The following MED13 variants were observed in gnomAD, a reference collection of about 807,000 sequenced individuals.
MED13 encodes the protein mediator of RNA polymerase II transcription subunit 13.
A neutral mutation model predicts 225.2 loss-of-function variants in MED13; 23 were observed. That is an observed-to-expected ratio of 0.10 (90% CI 0.07 to 0.14). The LOEUF (loss-of-function observed/expected upper bound fraction) is 0.14, where lower values mean the gene tolerates loss of function less well. MED13 is among the 10% of genes least tolerant of loss of function. The probability of loss-of-function intolerance (pLI) is 1.00; values close to 1 mark genes in which losing one functional copy is unlikely to be tolerated. For synonymous variants in MED13, 942 were observed against 889.2 expected, an observed-to-expected ratio of 1.06 and a Z score of -1.06; for missense variants, 2,197 against 2,594.5, an observed-to-expected ratio of 0.85 and a Z score of 3.33.
chr17:61,998,211 C>T (rs2080362335), intron 9 of MED13, among the ~76,000 whole-genome samples: 1 of 152,070 alleles, frequency 6.6e-6, no homozygotes, highest in Non-Finnish European at 1.5e-5. Flanking sequence ...ACGAATAACC[C>T]TCTCCTTTCC....
rs533183694 is a variant in MED13 at position 62,052,842 on chromosome 17, G to C, written c.302-137C>G. The C allele has an allele frequency of 2.8e-5, 14 of 506,346 alleles. No homozygotes were observed. In the Admixed American group the frequency reaches 5.6e-4, roughly 20 times the overall value. 31.4% of individuals were successfully genotyped at this position (506,346 alleles called of 1,614,324 possible). A position where few individuals can be genotyped will look rare whatever the true frequency, so the allele number is the denominator to read the frequency against. ...AATATTAAGCTACAATCACTTCAATGTATCTCTAGACATTATCAGGTTTCA... is the reference window on the plus strand; with the variant it reads ...AATATTAAGCTACAATCACTTCAATCTATCTCTAGACATTATCAGGTTTCA... On this transcript the variant is annotated intron_variant, in intron 2 of 29. Coordinates refer to ENST00000397786, the MANE Select transcript of MED13 (RefSeq NM_005121.3).
intron 11 of MED13, 63 bp downstream of exon 11, chr17:61,992,477 T>C (rs2080307821): frequency 1.0e-6 from 1 of 970,324 alleles, no homozygotes; most frequent in Non-Finnish European, 1.6e-6. Context: ...TCCAACAATA[T>C]CAGATCAGTC....
intron 17 of MED13, among the ~76,000 whole-genome samples, chr17:61,969,825 C>T (rs1014190881): frequency 8.5e-5 from 13 of 152,116 alleles, no homozygotes; most frequent in Non-Finnish European, 1.8e-4. Context: ...TGGTTTCAAA[C>T]TCCTGACCTC....
intron 11 of MED13, among the ~76,000 whole-genome samples, chr17:61,990,895 T>G (rs2080292760): frequency 6.6e-6 from 1 of 152,064 alleles, no homozygotes; most frequent in African/African-American, 2.4e-5. Context: ...GTTGAATTAG[T>G]GGCCTCAGAA....
At chr17:61,992,654 A>C in intron 10 of MED13, 33 bp from the exon 11 acceptor site, 2 of 1,454,728 alleles carry the variant, frequency 1.4e-6, no homozygotes, top group Non-Finnish European at 1.9e-6. Flanking sequence ...AGGCTGAAAT[A>C]TATAATTTAC....
chr17:62,003,894 T>C (rs2080421381), intron 9 of MED13: 1 of 152,176 alleles, frequency 6.6e-6, no homozygotes, highest in South Asian at 2.1e-4. Flanking sequence ...AAATGTCAAA[T>C]AATTTTAGAA....
At chr17:62,041,125 A>G (rs1261722397) in intron 3 of MED13, among the ~76,000 whole-genome samples, 2 of 152,246 alleles carry the variant, frequency 1.3e-5, no homozygotes, top group East Asian at 3.8e-4. Flanking sequence ...AAAGGTGAAA[A>G]CAACCCAAAT....
intron 16 of MED13, among the ~76,000 whole-genome samples, chr17:61,976,945 C>CA (rs200021995): frequency 3.8e-4 from 57 of 151,390 alleles, no homozygotes; most frequent in African/African-American, 4.6e-4. Context: ...AACAAAGAAA[C>CA]AAAAAAAACA....
chr17:61,961,829 A>C (rs1051749725), intron 21 of MED13, 50 bp from the exon 22 acceptor site: 1 of 1,532,850 alleles, frequency 6.5e-7, no homozygotes, highest in African/African-American at 1.4e-5. Context: ...AAAAGAGAAT[A>C]ACAGGAACTG....
intron 16 of MED13, among the ~76,000 whole-genome samples, chr17:61,977,282 G>A (rs552050142): frequency 7.2e-5 from 11 of 152,258 alleles, no homozygotes; most frequent in Admixed American, 5.2e-4. Flanking sequence ...ATGAGAAGAT[G>A]ATATCTGACA....
chr17:62,028,679 T>TA (rs778025381), intron 8 of MED13, among the ~76,000 whole-genome samples: 4,243 of 141,644 alleles, frequency 0.03, 75 homozygotes, highest in Non-Finnish European at 0.039. Context: ...GTCTCTACTT[T>TA]AAAAAAAAAA....
At chr17:61,990,648 T>TATAC (rs961724030) in intron 11 of MED13, among the ~76,000 whole-genome samples, 1 of 147,766 alleles carries the variant, frequency 6.8e-6, no homozygotes, top group Non-Finnish European at 1.5e-5. Context: ...TATATATATA[T>TATAC]ATACACACTC....
chr17:62,000,865 C>T (rs1186498001), intron 9 of MED13, among the ~76,000 whole-genome samples: 1 of 152,204 alleles, frequency 6.6e-6, no homozygotes, highest in East Asian at 1.9e-4. Flanking sequence ...CAGGTTTAAG[C>T]GATTCTCCTA....
At chr17:61,959,260 C>G (rs901991974) in intron 23 of MED13, among the ~76,000 whole-genome samples, 1 of 152,140 alleles carries the variant, frequency 6.6e-6, no homozygotes, top group Non-Finnish European at 1.5e-5. Flanking sequence ...GGTGATCCAC[C>G]TGCCTTGGCC....
intron 8 of MED13, among the ~76,000 whole-genome samples, chr17:62,027,009 T>C (rs2080708816): frequency 6.6e-6 from 1 of 152,208 alleles, no homozygotes; most frequent in African/African-American, 2.4e-5. Flanking sequence ...ATGGCCATAC[T>C]GCCCAAAGCA....
intron 23 of MED13, among the ~76,000 whole-genome samples, chr17:61,959,915 G>A (rs1048044577): frequency 1.3e-5 from 2 of 151,620 alleles, no homozygotes; most frequent in Non-Finnish European, 2.9e-5. Context: ...TTGTAGAGAC[G>A]GGGTTTCGCC....
intron 2 of MED13, among the ~76,000 whole-genome samples, chr17:62,061,050 C>T (rs1377060737): frequency 6.6e-6 from 1 of 152,044 alleles, no homozygotes; most frequent in African/African-American, 2.4e-5. Context: ...GAAAATTACG[C>T]TAAAAATCAA....
Position 61,951,139 on chromosome 17 carries a change from A to G in MED13, c.6118-141T>C, listed in dbSNP as rs535639528. On this transcript the variant is annotated intron_variant, in intron 27 of 29. Coordinates refer to ENST00000397786, the MANE Select transcript of MED13 (RefSeq NM_005121.3). ...AAATACTGAAGGATATTGAAAAAAA[A>G]CCAGTTTCTATGTACTTAGGAGTAT... is the stretch of plus-strand genomic sequence containing the variant. 8 of 590,482 alleles carry G rather than the reference A, an allele frequency of 1.4e-5. No individual in the cohort carries two copies. The East Asian group carries it at 2.0e-4, about 15-fold the overall frequency. The allele number at this position is 590,482 out of a possible 1,614,324, so 36.6% of individuals were successfully genotyped here. A position where few individuals can be genotyped will look rare whatever the true frequency, so the allele number is the denominator to read the frequency against.
chr17:62,019,182 G>A (rs2080612886), intron 8 of MED13, among the ~76,000 whole-genome samples: 1 of 152,156 alleles, frequency 6.6e-6, no homozygotes, highest in South Asian at 2.1e-4. Context: ...TCCAGCAATA[G>A]GCCGAATGCA....
Sources: gnomAD v4.1 joint callset for allele counts (sites outside exome capture counted in the v4.1 genomes callset) on GRCh38, gnomAD v4.1.1 for gene constraint, MANE v1.5 for transcripts, NCBI Gene and HGNC (gene_info 2026-07-23, HGNC 2026-07-21) for gene names.